Variants in PAPOLA observed in about 807,000 individuals in gnomAD.
PAPOLA encodes polynucleotide adenylyltransferase alpha.
A neutral mutation model predicts 100.6 loss-of-function variants in PAPOLA; 15 were observed. That is an observed-to-expected ratio of 0.15 (90% CI 0.10 to 0.23). PAPOLA has a LOEUF of 0.23. Ranked by LOEUF, PAPOLA falls within the 10% of genes least tolerant of loss-of-function variation. The pLI is 1.00. For synonymous variants in PAPOLA, 293 were observed against 300.0 expected, an observed-to-expected ratio of 0.98 and a Z score of 0.24; for missense variants, 533 against 884.2, an observed-to-expected ratio of 0.60 and a Z score of 5.04.
chr14:96,544,230 C>T lies in PAPOLA; in HGVS notation c.1371C>T (p.Thr457=). Residue 457 remains threonine, a synonymous_variant, in exon 15 of 22, where the codon ACC becomes ACT. Coordinates refer to ENST00000216277, the MANE Select transcript of PAPOLA (RefSeq NM_032632.5). ...ENSENLSVDL[T]YDIQSFTDTV... ...CTGAAAACCTCAGTGTTGATCTCAC[C>T]TATGATATTCAGTCTTTCACAGATA... is the stretch of plus-strand genomic sequence containing the variant. 1 of 1,574,020 alleles carries T rather than the reference C, an allele frequency of 6.4e-7. No individual in the cohort carries two copies. Among genetic ancestry groups the T allele is most frequent in the Non-Finnish European group, 8.7e-7 (1 of 1,145,676 alleles).
chr14:96,525,713 C>T (rs1898405223), intron 4 of PAPOLA, among the ~76,000 whole-genome samples: 1 of 152,088 alleles, frequency 6.6e-6, no homozygotes, highest in South Asian at 2.1e-4. Flanking sequence ...GATTGCATTG[C>T]TACACTTCAG....
chr14:96,549,853 A>C (rs1900694310), intron 16 of PAPOLA, among the ~76,000 whole-genome samples: 1 of 152,326 alleles, frequency 6.6e-6, no homozygotes. Context: ...TCACATACAG[A>C]AAATATAAAC....
At chr14:96,560,170 G>C (rs889830091) in intron 19 of PAPOLA, among the ~76,000 whole-genome samples, 12 of 152,074 alleles carry the variant, frequency 7.9e-5, no homozygotes, top group Non-Finnish European at 1.6e-4. Context: ...TATTCTGTAG[G>C]ATGTTAGTAG....
intron 9 of PAPOLA, 199 bp from the exon 10 acceptor site, chr14:96,534,292 C>T (rs1440403803): frequency 3.1e-5 from 42 of 1,357,988 alleles, no homozygotes; most frequent in Non-Finnish European, 3.8e-5. Context: ...AGAAGGCTAC[C>T]AAATGGTTTA....
intron 9 of PAPOLA, chr14:96,532,856 C>T (rs1372314918): frequency 9.4e-6 from 12 of 1,282,706 alleles, no homozygotes; most frequent in Non-Finnish European, 1.2e-5. Flanking sequence ...AAGGCAGATT[C>T]TATTTGTACT....
chr14:96,540,663 A>C (rs1899908059), intron 12 of PAPOLA, among the ~76,000 whole-genome samples: 1 of 152,166 alleles, frequency 6.6e-6, no homozygotes, highest in Non-Finnish European at 1.5e-5. Flanking sequence ...TGGTAAAGGA[A>C]GTATTGGTTT....
At chr14:96,544,339 A>G (rs1433635304) in intron 15 of PAPOLA, 81 bp downstream of exon 15, 1 of 684,186 alleles carries the variant, frequency 1.5e-6, no homozygotes, top group Non-Finnish European at 2.6e-6. Context: ...AGTGATATTT[A>G]CAATAATTGT....
intron 1 of PAPOLA, among the ~76,000 whole-genome samples, chr14:96,515,726 G>A (rs569384225): frequency 1.3e-5 from 2 of 152,336 alleles, no homozygotes; most frequent in South Asian, 2.1e-4. Context: ...TAAAAACCAG[G>A]AAGACATTTT....
intron 15 of PAPOLA, 176 bp from the exon 16 acceptor site, chr14:96,547,621 A>G: frequency 4.2e-6 from 2 of 478,278 alleles, no homozygotes; most frequent in South Asian, 3.3e-5. Flanking sequence ...ATCTTGTGGT[A>G]AAAGGAGTTT....
At chr14:96,534,059 C>G (rs759667829) in intron 9 of PAPOLA, 13 of 986,924 alleles carry the variant, frequency 1.3e-5, no homozygotes, top group African/African-American at 1.7e-5. Flanking sequence ...GTCATGAATT[C>G]TATAATTATT....
chr14:96,514,074 G>T (rs1030514712), intron 1 of PAPOLA, among the ~76,000 whole-genome samples: 1 of 152,028 alleles, frequency 6.6e-6, no homozygotes, highest in Non-Finnish European at 1.5e-5. Flanking sequence ...ATTTAAAATG[G>T]TTATCAGTAT....
chr14:96,506,100 C>T (rs146466374), intron 1 of PAPOLA, among the ~76,000 whole-genome samples: 20 of 152,266 alleles, frequency 1.3e-4, no homozygotes, highest in African/African-American at 4.1e-4. Flanking sequence ...GACGAGGTTT[C>T]ACCATGTTGG....
In PAPOLA at chr14:96,534,898, A is replaced by AT. The variant is rs892980183; in HGVS notation, c.909+341dup. 3.9e-6 allele frequency: 4 copies of AT among 1,029,824 alleles called. No individual in the cohort carries two copies. In the Admixed American group the frequency reaches 2.1e-4, roughly 54 times the overall value. The allele number at this position is 1,029,824 out of a possible 1,614,324, so 63.8% of individuals were successfully genotyped here. ...ATAAAAGGATACTAAAAATCCCTGT[A>AT]TTTTTTATTTTATCTAAGTATTATG... is the stretch of plus-strand genomic sequence containing the variant. On this transcript the variant is annotated intron_variant, in intron 10 of 21. Coordinates refer to ENST00000216277, the MANE Select transcript of PAPOLA (RefSeq NM_032632.5).
At chr14:96,516,799 A>T (rs1897505559) in intron 1 of PAPOLA, among the ~76,000 whole-genome samples, 1 of 152,212 alleles carries the variant, frequency 6.6e-6, no homozygotes, top group Non-Finnish European at 1.5e-5. Context: ...TGTAATCAAT[A>T]TTTTTTCAAA....
chr14:96,546,333 C>A (rs1414648105), intron 15 of PAPOLA, among the ~76,000 whole-genome samples: 1 of 152,148 alleles, frequency 6.6e-6, no homozygotes, highest in African/African-American at 2.4e-5. Flanking sequence ...ATTGCCAAAA[C>A]TTTCTCTTTT....
chr14:96,546,246 A>C (rs1291034025), intron 15 of PAPOLA, among the ~76,000 whole-genome samples: 1 of 152,028 alleles, frequency 6.6e-6, no homozygotes, highest in Non-Finnish European at 1.5e-5. Flanking sequence ...GAATACATTG[A>C]GGTTTCTGCT....
chr14:96,541,855 T>A (rs1900019285), intron 12 of PAPOLA: 1 of 157,924 alleles, frequency 6.3e-6, no homozygotes, highest in African/African-American at 2.4e-5. Context: ...GATAAGTTTT[T>A]GTGTCTAAAG....
chr14:96,518,424 T>C (rs962393598), intron 1 of PAPOLA, among the ~76,000 whole-genome samples: 1 of 151,912 alleles, frequency 6.6e-6, no homozygotes, highest in Non-Finnish European at 1.5e-5. Flanking sequence ...CTTTTTTTTT[T>C]TTGAGACGGA....
chr14:96,565,107 T>C lies in PAPOLA; in HGVS notation c.*57T>C. On this transcript the variant is annotated 3_prime_UTR_variant, in exon 22 of 22. Coordinates refer to ENST00000216277, the MANE Select transcript of PAPOLA (RefSeq NM_032632.5). ...GCCAACTCAACCTGTTGTCTTCAAATGCTAAAAAAGGAGAATGGAGGGTAC... is the reference window on the plus strand; with the variant it reads ...GCCAACTCAACCTGTTGTCTTCAAACGCTAAAAAAGGAGAATGGAGGGTAC... The C allele has an allele frequency of 1.1e-6, 1 of 949,798 alleles. No homozygotes were observed. The highest frequency in any genetic ancestry group is 1.3e-5 in the South Asian group (1 of 77,532). The allele number at this position is 949,798 out of a possible 1,614,324, so 58.8% of individuals were successfully genotyped here.
Sources: allele counts gnomAD v4.1 joint callset (sites outside exome capture counted in the v4.1 genomes callset), GRCh38; gene constraint gnomAD v4.1.1; transcripts MANE v1.5; gene names NCBI Gene and HGNC (gene_info 2026-07-23, HGNC 2026-07-21).